SLC5A7: variants seen among roughly 807,000 people sequenced by gnomAD.
SLC5A7 encodes the protein high affinity choline transporter 1.
Under a neutral mutation model 55.4 loss-of-function variants are expected in SLC5A7, and 19 were observed. The ratio of observed to expected loss-of-function variants is 0.34; its 90% CI spans 0.24 to 0.50. The LOEUF is 0.50. Among genes scored for constraint, SLC5A7 ranks in the 20% least tolerant of loss-of-function variants. The pLI is 0.98. For synonymous variants in SLC5A7, 265 were observed against 263.7 expected, an observed-to-expected ratio of 1.00 and a Z score of -0.05; for missense variants, 506 against 705.3, an observed-to-expected ratio of 0.72 and a Z score of 3.20.
At position 107,991,009 on chromosome 2, in the gene SLC5A7, C is replaced by T. The variant is rs1677432897; in HGVS notation, c.179-1097C>T. On this transcript the variant is annotated intron_variant, in intron 2 of 8. Coordinates refer to ENST00000264047, the MANE Select transcript of SLC5A7 (RefSeq NM_021815.5). Reference sequence around the variant, plus strand: ...ATAAGGATTGCTTAGAATATTTTGACTGTACTGTAACCTCAACAAGGTGTA... The same window carrying T: ...ATAAGGATTGCTTAGAATATTTTGATTGTACTGTAACCTCAACAAGGTGTA... Among the ~76,000 whole-genome samples the T allele has an allele frequency of 2.6e-5, 4 of 152,274 alleles. No homozygotes were observed. The South Asian group carries it at 6.2e-4, about 24-fold the overall frequency.
intron 4 of SLC5A7, among the ~76,000 whole-genome samples, chr2:107,994,971 A>C (rs1048266688): frequency 6.6e-6 from 1 of 152,188 alleles, no homozygotes; most frequent in African/African-American, 2.4e-5. Context: ...GAAACTGTGA[A>C]CTTTGTTATA....
chr2:107,995,998 A>T (rs17036610), intron 4 of SLC5A7, among the ~76,000 whole-genome samples: 2,134 of 152,258 alleles, frequency 0.014, 46 homozygotes, highest in African/African-American at 0.05. Context: ...AATAGTGATA[A>T]TGGAGAAGTG....
In SLC5A7 at chr2:108,012,759, T is replaced by G. The variant is rs147591098; in HGVS notation, c.*1898T>G. The G allele has an allele frequency of 6.6e-6, 1 of 152,078 alleles. No homozygotes were observed. Among genetic ancestry groups the G allele is most frequent in the East Asian group, 1.9e-4 (1 of 5,170 alleles). The allele number at this position is 152,078 out of a possible 1,614,324, so 9.4% of individuals were successfully genotyped here. ...TTTTTGGAACCAGTAAGTATGGGAG[T>G]CCACGATTCTCAGGTATTGATTGAA... On this transcript the variant is annotated 3_prime_UTR_variant, in exon 9 of 9. Coordinates refer to ENST00000264047, the MANE Select transcript of SLC5A7 (RefSeq NM_021815.5).
intron 3 of SLC5A7, 25 bp downstream of exon 3, chr2:107,992,244 G>T: frequency 1.5e-6 from 2 of 1,354,230 alleles, no homozygotes; most frequent in South Asian, 2.3e-5. Flanking sequence ...AAATCTCAGT[G>T]ACTCACTCAG....
chr2:108,010,751 G>A lies in SLC5A7; in HGVS notation c.1633G>A (p.Val545Met). The change falls in exon 9 of 9, where the codon GTG (valine) becomes ATG (methionine). Residue 545 changes from valine (V) to methionine (M), a missense_variant. By Grantham distance (21) the Val-to-Met change is conservative. Around this residue, in one of 4 missense-constraint regions of SLC5A7, gnomAD observed 137 missense variants for 143.6 expected, o/e 0.95. Coordinates refer to ENST00000264047, the MANE Select transcript of SLC5A7 (RefSeq NM_021815.5). ...TATTAAATTAGATGAACTTGCACTTGTGAAGCCACGACAGAGCATGACCCT... is the reference window on the plus strand; with the variant it reads ...TATTAAATTAGATGAACTTGCACTTATGAAGCCACGACAGAGCATGACCCT... ...ENIKLDELAL[V>M]KPRQSMTLSS... is the part of the protein sequence containing the mutation. 1.9e-6 allele frequency: 3 copies of A among 1,613,680 alleles called. No individual in the cohort carries two copies. Among genetic ancestry groups the A allele is most frequent in the East Asian group, 2.2e-5 (1 of 44,856 alleles).
rs1558872503 is a variant in SLC5A7, at chr2:108,010,413, C to T, written c.1295C>T (p.Thr432Ile). The T allele has an allele frequency of 4.3e-6, 7 of 1,613,916 alleles. No individual in the cohort carries two copies. The highest frequency in any genetic ancestry group is 5.9e-6 in the Non-Finnish European group (7 of 1,179,918). ...LCVLFVKGTN[T>I]YGAVAGYVSG... ...GTACTCTTTGTTAAGGGAACCAACA[C>T]CTATGGGGCCGTGGCAGGTTATGTT... is the stretch of plus-strand genomic sequence containing the variant. The change falls in exon 9 of 9, where the codon ACC (threonine) becomes ATC (isoleucine). Residue 432 changes from threonine to isoleucine, a missense_variant. Physicochemically the swap from Thr to Ile is moderately conservative, Grantham distance 89. Transcript: ENST00000264047.
intron 5 of SLC5A7, among the ~76,000 whole-genome samples, chr2:107,998,493 T>C (rs114809106): frequency 0.015 from 2,241 of 152,298 alleles, 68 homozygotes; most frequent in African/African-American, 0.052. Flanking sequence ...CCAGAAAGAT[T>C]TATTATCTAT....
intron 5 of SLC5A7, 37 bp from the exon 6 acceptor site, chr2:108,001,860 C>G (rs1677920644): frequency 6.2e-7 from 1 of 1,610,132 alleles, no homozygotes; most frequent in Non-Finnish European, 8.5e-7. Flanking sequence ...CAGTTGAAAA[C>G]CATCGCCTAG....
intron 7 of SLC5A7, 74 bp downstream of exon 7, chr2:108,006,276 T>A: frequency 6.6e-7 from 1 of 1,516,156 alleles, no homozygotes; most frequent in Non-Finnish European, 9.1e-7. Context: ...TCTGTCCCAC[T>A]CCCCTCTTTC....
intron 2 of SLC5A7, among the ~76,000 whole-genome samples, chr2:107,990,583 T>C (rs1677418881): frequency 6.6e-6 from 1 of 152,222 alleles, no homozygotes; most frequent in African/African-American, 2.4e-5. Flanking sequence ...ATTTGTTATT[T>C]TTGTTATTTG....
chr2:107,992,147 G>A lies in SLC5A7; in HGVS notation c.220G>A (p.Ala74Thr). The change falls in exon 3 of 9, where the codon GCA becomes ACA. Residue 74 changes from alanine to threonine, a missense_variant. Around this residue, in one of 4 missense-constraint regions of SLC5A7, gnomAD observed 309 missense variants for 478.6 expected, o/e 0.65. Transcript: ENST00000264047. ...GGGYINGTAEAVYVPGYGLAW... is the reference protein window; with the variant it reads ...GGGYINGTAETVYVPGYGLAW... The stretch of plus-strand genomic sequence containing the variant: ...AGGGTATATCAATGGCACAGCTGAA[G>A]CAGTTTATGTACCAGGTTATGGCCT... 1 of 1,613,874 alleles carries A rather than the reference G, an allele frequency of 6.2e-7. No homozygotes were observed. Among genetic ancestry groups the A allele is most frequent in the Non-Finnish European group, 8.5e-7 (1 of 1,179,796 alleles).
chr2:107,989,301 C>G (rs1677359166), intron 2 of SLC5A7, among the ~76,000 whole-genome samples: 1 of 152,154 alleles, frequency 6.6e-6, no homozygotes, highest in Non-Finnish European at 1.5e-5. Context: ...AAGTGATGCC[C>G]AATTTCAGTC....
At chr2:108,004,482 C>T (rs1678030574) in intron 6 of SLC5A7, among the ~76,000 whole-genome samples, 1 of 152,142 alleles carries the variant, frequency 6.6e-6, no homozygotes, top group Non-Finnish European at 1.5e-5. Context: ...AGACAGACGT[C>T]CCCAGAACCC....
intron 4 of SLC5A7, among the ~76,000 whole-genome samples, 191 bp from the exon 5 acceptor site, chr2:107,997,647 G>A (rs550173025): frequency 2.6e-5 from 4 of 152,134 alleles, no homozygotes; most frequent in Non-Finnish European, 4.4e-5. Flanking sequence ...GAAAGAAAAA[G>A]TATGTATCTC....
intron 5 of SLC5A7, among the ~76,000 whole-genome samples, chr2:108,000,500 A>G (rs1677842268): frequency 6.6e-6 from 1 of 152,066 alleles, no homozygotes; most frequent in African/African-American, 2.4e-5. Flanking sequence ...GTCTCACTGT[A>G]TTTCCCAGGC....
intron 5 of SLC5A7, among the ~76,000 whole-genome samples, chr2:108,001,666 C>G (rs1677907989): frequency 1.5e-5 from 2 of 135,376 alleles, no homozygotes; most frequent in African/African-American, 5.5e-5. Flanking sequence ...GAGCGAGACT[C>G]CGTCTCAAAA....
chr2:107,992,253 A>G (rs546604087), intron 3 of SLC5A7, 34 bp downstream of exon 3: 1 of 1,248,862 alleles, frequency 8.0e-7, no homozygotes, highest in African/African-American at 1.5e-5. Flanking sequence ...TGACTCACTC[A>G]GTAAAGTATA....
chr2:107,996,736 C>T (rs1048594939), intron 4 of SLC5A7, among the ~76,000 whole-genome samples: 1 of 152,096 alleles, frequency 6.6e-6, no homozygotes. Context: ...TAGGGACCAA[C>T]AAACACAATA....
In SLC5A7 at chr2:107,997,851, C is replaced by T. The variant is rs1322687916; in HGVS notation, c.462C>T (p.Ser154=). 5 of 1,608,826 alleles carry T rather than the reference C, an allele frequency of 3.1e-6. No homozygotes were observed. The highest frequency in any genetic ancestry group is 1.1e-5 in the South Asian group (1 of 90,014). Residue 154 remains serine (S), a synonymous_variant, in exon 5 of 9, where the codon AGC becomes AGT. Coordinates refer to ENST00000264047, the MANE Select transcript of SLC5A7 (RefSeq NM_021815.5). Reference sequence around the variant, plus strand: ...TGTTTGTTTCAGGAGCCACCATCAGCGTGATCATCGATGTGGATATGCACA... The same window carrying T: ...TGTTTGTTTCAGGAGCCACCATCAGTGTGATCATCGATGTGGATATGCACA... ...AIFSALGATI[S]VIIDVDMHIS...
Sources: allele counts gnomAD v4.1 joint callset (sites outside exome capture counted in the v4.1 genomes callset), GRCh38; gene constraint gnomAD v4.1.1; regional missense constraint gnomAD v4.1.1; transcripts MANE v1.5; gene names NCBI Gene and HGNC (gene_info 2026-07-23, HGNC 2026-07-21).